Variants in DNAI4 observed in about 807,000 individuals in gnomAD.
DNAI4 encodes WD repeat domain 78.
In DNAI4, 85 loss-of-function variants were observed where a neutral mutation model predicts 105.8. That is an observed-to-expected ratio of 0.80 (90% CI 0.67 to 0.96). The LOEUF (loss-of-function observed/expected upper bound fraction) is 0.96. DNAI4 is among the 40% of genes least tolerant of loss of function. The pLI is 0.00. For missense variants in DNAI4, 1,014 were observed against 1,005.6 expected (o/e 1.01, Z -0.11); for synonymous variants, 352 against 331.5 (o/e 1.06, Z -0.67).
At chr1:66,869,007 G>T (rs1646786766) in intron 6 of DNAI4, among the ~76,000 whole-genome samples, 2 of 151,786 alleles carry the variant, frequency 1.3e-5, no homozygotes, top group Non-Finnish European at 1.5e-5. Context: ...CAAGGAGGCG[G>T]AGGTTGCAGT....
intron 15 of DNAI4, among the ~76,000 whole-genome samples, chr1:66,825,151 T>G (rs539381679): frequency 6.6e-6 from 1 of 151,498 alleles, no homozygotes; most frequent in African/African-American, 2.4e-5. Context: ...ACACAACTTC[T>G]TAAATAATAA....
intron 1 of DNAI4, among the ~76,000 whole-genome samples, chr1:66,912,904 C>T (rs1649766384): frequency 1.3e-5 from 2 of 152,058 alleles, no homozygotes; most frequent in Non-Finnish European, 2.9e-5. Flanking sequence ...GAGAGCACCC[C>T]CTTCAGAGAA....
At chr1:66,889,658 T>C (rs941770310) in intron 4 of DNAI4, among the ~76,000 whole-genome samples, 11 of 152,162 alleles carry the variant, frequency 7.2e-5, no homozygotes, top group African/African-American at 2.4e-4. Context: ...TCCCTCATTA[T>C]CATTTTAAAG....
chr1:66,847,582 T>A lies in DNAI4; in HGVS notation c.1193A>T (p.Asp398Val). 9 of 1,614,066 alleles carry A rather than the reference T, an allele frequency of 5.6e-6. No homozygotes were observed. Among genetic ancestry groups the A allele is most frequent in the Non-Finnish European group, 7.6e-6 (9 of 1,179,978 alleles). The stretch of plus-strand genomic sequence containing the variant: ...AAAAAATAAGTCCTGATGAAATTTG[T>A]CAGATTTTAATATTGCATCTGAGTG... Reference protein sequence around the residue: ...EDHSDAILKSDKFHQDLFFME... With the variant: ...EDHSDAILKSVKFHQDLFFME... The change falls in exon 8 of 17, where the codon GAC becomes GTC. Residue 398 changes from aspartate to valine, a missense_variant. By Grantham distance (152) the Asp-to-Val change is radical (BLOSUM62 -3). Coordinates refer to ENST00000371026, the MANE Select transcript of DNAI4 (RefSeq NM_024763.5).
intron 7 of DNAI4, among the ~76,000 whole-genome samples, chr1:66,858,196 T>C (rs919680981): frequency 2.0e-5 from 3 of 151,918 alleles, no homozygotes; most frequent in African/African-American, 7.3e-5. Flanking sequence ...GAAGACATTA[T>C]AAGAAAGGAA....
chr1:66,896,119 A>G (rs1648316931), intron 2 of DNAI4, among the ~76,000 whole-genome samples: 1 of 152,162 alleles, frequency 6.6e-6, no homozygotes, highest in Admixed American at 6.5e-5. Flanking sequence ...TCATCTATGT[A>G]TGTTTGACAC....
chr1:66,865,479 C>A (rs1646714544), intron 6 of DNAI4, among the ~76,000 whole-genome samples: 1 of 152,132 alleles, frequency 6.6e-6, no homozygotes, highest in Non-Finnish European at 1.5e-5. Flanking sequence ...TACCTTTTCC[C>A]TGCCTGATTT....
At chr1:66,896,664 C>G (rs1217158565) in intron 2 of DNAI4, among the ~76,000 whole-genome samples, 7 of 152,066 alleles carry the variant, frequency 4.6e-5, no homozygotes, top group South Asian at 2.1e-4. Flanking sequence ...GTTATAAAAG[C>G]CAGTTTCCCT....
At chr1:66,846,516 G>A (rs995704918) in intron 8 of DNAI4, among the ~76,000 whole-genome samples, 1 of 152,154 alleles carries the variant, frequency 6.6e-6, no homozygotes, top group African/African-American at 2.4e-5. Flanking sequence ...GCAGGAAAAT[G>A]TAGGTTCTAT....
intron 9 of DNAI4, 63 bp downstream of exon 9, chr1:66,840,406 T>C: frequency 2.0e-6 from 3 of 1,470,798 alleles, no homozygotes; most frequent in Admixed American, 1.7e-5. Flanking sequence ...TTCTTCATTA[T>C]TCGAACTTGA....
intron 16 of DNAI4, among the ~76,000 whole-genome samples, chr1:66,815,418 T>C (rs529694497): frequency 6.6e-6 from 1 of 152,358 alleles, no homozygotes; most frequent in East Asian, 1.9e-4. Context: ...TGGTTTATTT[T>C]TTCTGCCTTC....
At chr1:66,836,325 A>AAGGG (rs1646026032) in intron 10 of DNAI4, among the ~76,000 whole-genome samples, 1 of 148,306 alleles carries the variant, frequency 6.7e-6, no homozygotes, top group Non-Finnish European at 1.5e-5. Flanking sequence ...AGAAAGAAAG[A>AAGGG]AGGAAAGAGG....
chr1:66,835,525 C>G lies in DNAI4; in HGVS notation c.1733+101G>C, dbSNP rs965914228. 20 of 1,239,338 alleles carry G rather than the reference C, an allele frequency of 1.6e-5. No homozygotes were observed. In the East Asian group the frequency reaches 4.2e-4, roughly 26 times the overall value. 76.8% of individuals were successfully genotyped at this position (1,239,338 alleles called of 1,614,324 possible). A position where few individuals can be genotyped will look rare whatever the true frequency, so the allele number is the denominator to read the frequency against. ...ATGTTTCAAAAATAATGGTATCACT[C>G]TCAGTAACAACAAAAATATTTACTC... On this transcript the variant is annotated intron_variant, in intron 11 of 16. Transcript: ENST00000371026.
At chr1:66,854,559 T>G (rs1217765673) in intron 7 of DNAI4, among the ~76,000 whole-genome samples, 3 of 152,150 alleles carry the variant, frequency 2.0e-5, no homozygotes, top group Non-Finnish European at 4.4e-5. Context: ...ATCCCAGCAC[T>G]GGGAGGCGGA....
chr1:66,851,977 T>C (rs1211828814), intron 7 of DNAI4, among the ~76,000 whole-genome samples: 4 of 151,926 alleles, frequency 2.6e-5, no homozygotes, highest in Non-Finnish European at 5.9e-5. Flanking sequence ...AATTTCTTCC[T>C]TGACAAGATT....
chr1:66,833,798 T>A (rs1446970539), intron 12 of DNAI4, 92 bp from the exon 13 acceptor site: 20 of 1,487,192 alleles, frequency 1.3e-5, no homozygotes, highest in Middle Eastern at 3.6e-4. Context: ...AATAATAATA[T>A]TAGTTCTGCC....
At chr1:66,859,933 T>C (rs1646589359) in intron 7 of DNAI4, among the ~76,000 whole-genome samples, 2 of 152,094 alleles carry the variant, frequency 1.3e-5, no homozygotes, top group Admixed American at 1.3e-4. Flanking sequence ...CAAAGAACTA[T>C]ATAACACAAA....
At chr1:66,874,522 C>T (rs563510937) in intron 5 of DNAI4, among the ~76,000 whole-genome samples, 7 of 152,092 alleles carry the variant, frequency 4.6e-5, no homozygotes, top group East Asian at 1.9e-4. Flanking sequence ...CTTAGAAGTT[C>T]GCCTAATTAT....
chr1:66,913,095 T>C (rs372996935), intron 1 of DNAI4, among the ~76,000 whole-genome samples: 1 of 151,822 alleles, frequency 6.6e-6, no homozygotes, highest in Admixed American at 6.6e-5. Flanking sequence ...AAAATGAGGG[T>C]TTTTTGGTTT....
Sources: gnomAD v4.1 joint callset for allele counts (sites outside exome capture counted in the v4.1 genomes callset) on GRCh38, gnomAD v4.1.1 for gene constraint, MANE v1.5 for transcripts, NCBI Gene and HGNC (gene_info 2026-07-23, HGNC 2026-07-21) for gene names.